The following RGS9 variants were observed in gnomAD, a reference collection of about 807,000 sequenced individuals.
RGS9 encodes regulator of G protein signaling 9, also known as regulator of G-protein signalling 9.
RGS9 carries 78 observed loss-of-function variants against 102.0 expected under a neutral mutation model. The ratio of observed to expected loss-of-function variants is 0.76; its 90% confidence interval spans 0.64 to 0.92. RGS9 has a LOEUF of 0.92. Among genes scored for constraint, RGS9 ranks in the 40% least tolerant of loss-of-function variants. The pLI, the probability that RGS9 is intolerant of heterozygous loss-of-function variation, is 0.00. For synonymous variants in RGS9, 353 were observed against 318.6 expected (o/e 1.11, Z -1.15); for missense variants, 833 against 866.1 (o/e 0.96, Z 0.48).
intron 9 of RGS9, among the ~76,000 whole-genome samples, chr17:65,187,710 G>A (rs115074205): frequency 0.016 from 2,500 of 152,304 alleles, 89 homozygotes; most frequent in African/African-American, 0.056. Flanking sequence ...AAGAGGGTCC[G>A]CGTGAGGCCG....
chr17:65,215,497 G>GTTCGTTCTTTCTTTCT (rs1555617651), intron 17 of RGS9, among the ~76,000 whole-genome samples: 113 of 133,644 alleles, frequency 8.5e-4, no homozygotes, highest in Non-Finnish European at 1.5e-3. Context: ...TCGTTCTTTC[G>GTTCGTTCTTTCTTTCT]TTCTTTCTTT....
chr17:65,144,076 G>A (rs550329331), intron 1 of RGS9, among the ~76,000 whole-genome samples: 3 of 152,184 alleles, frequency 2.0e-5, no homozygotes, highest in Non-Finnish European at 4.4e-5. Flanking sequence ...ACTGGTTAGG[G>A]CATGGTGCCT....
At chr17:65,160,756 T>TC in intron 5 of RGS9, 95 bp from the exon 6 acceptor site, 2 of 1,444,154 alleles carry the variant, frequency 1.4e-6, no homozygotes, top group Non-Finnish European at 1.9e-6. Flanking sequence ...GAGCGTTCTC[T>TC]CCCCGACTCT....
intron 17 of RGS9, among the ~76,000 whole-genome samples, chr17:65,223,895 C>A (rs918572475): frequency 1.3e-5 from 2 of 151,616 alleles, no homozygotes; most frequent in Non-Finnish European, 2.9e-5. Flanking sequence ...GGATTACAGG[C>A]ACCCACCACC....
Position 65,177,088 on chromosome 17 carries a change from TC to T in RGS9, c.583-642del, listed in dbSNP as rs1360234831. On this transcript the variant is annotated intron_variant, in intron 8 of 18. Coordinates refer to ENST00000262406, the MANE Select transcript of RGS9 (RefSeq NM_003835.4). ...ATCCATCCATCCATCCATCCATCCA[TC>T]CATCCTTCCATCCCTCCATTCATCC... Among the ~76,000 whole-genome samples, 212 of 141,096 alleles carry T rather than the reference TC, an allele frequency of 1.5e-3. 1 individual carries two copies. Among genetic ancestry groups the T allele is most frequent in the African/African-American group, 6.1e-3 (204 of 33,438 alleles). 92.6% of individuals were successfully genotyped at this position (141,096 alleles called of 152,430 possible).
chr17:65,175,720 TC>T (rs1911600646), intron 8 of RGS9, among the ~76,000 whole-genome samples: 1 of 152,216 alleles, frequency 6.6e-6, no homozygotes, highest in African/African-American at 2.4e-5. Flanking sequence ...CCACCCACTT[TC>T]TATTGCCTTT....
In RGS9 at chr17:65,137,526, C is replaced by T; in HGVS notation, c.-15C>T. 6.2e-7 allele frequency: 1 copy of T among 1,611,336 alleles called. No individual in the cohort carries two copies. The highest frequency in any genetic ancestry group is 8.5e-7 in the Non-Finnish European group (1 of 1,179,742). On this transcript the variant is annotated 5_prime_UTR_variant, in exon 1 of 19. Coordinates refer to ENST00000262406, the MANE Select transcript of RGS9 (RefSeq NM_003835.4). Reference sequence around the variant, plus strand: ...CCCACTGGTGCTCTGGCTGTGAATCCATCCAGGGGCCAGGATGACAATCCG... The same window carrying T: ...CCCACTGGTGCTCTGGCTGTGAATCTATCCAGGGGCCAGGATGACAATCCG...
intron 6 of RGS9, 23 bp from the exon 7 acceptor site, chr17:65,162,990 C>T (rs1238260079): frequency 1.5e-6 from 2 of 1,320,880 alleles, no homozygotes; most frequent in East Asian, 4.7e-5. Context: ...GCTTTCTGTT[C>T]TCATTTTGTT....
Position 65,181,438 on chromosome 17 carries a change from G to A in RGS9, c.654+3635G>A, listed in dbSNP as rs1387421739. On this transcript the variant is annotated intron_variant, in intron 9 of 18. Transcript: ENST00000262406. ...TTTCCCCAAATAGAGGCAAGTAACCGTCAACCATAAGGAGGAAAGTCATTA... is the reference window on the plus strand; with the variant it reads ...TTTCCCCAAATAGAGGCAAGTAACCATCAACCATAAGGAGGAAAGTCATTA... Among the ~76,000 whole-genome samples the A allele has an allele frequency of 5.3e-5, 8 of 152,230 alleles. No homozygotes were observed. In the South Asian group the frequency reaches 6.2e-4, roughly 12 times the overall value.
intron 1 of RGS9, among the ~76,000 whole-genome samples, chr17:65,138,975 C>CTGG: frequency 1.3e-5 from 2 of 149,290 alleles, no homozygotes; most frequent in Non-Finnish European, 3.0e-5. Flanking sequence ...CTCCTCCACC[C>CTGG]CAGCATCCCC....
intron 1 of RGS9, among the ~76,000 whole-genome samples, chr17:65,143,061 C>G (rs933888019): frequency 3.3e-5 from 5 of 152,180 alleles, no homozygotes; most frequent in African/African-American, 1.2e-4. Context: ...CAGGCTTAAC[C>G]ATTGCTCTTT....
At chr17:65,222,240 G>A (rs1243066176) in intron 17 of RGS9, among the ~76,000 whole-genome samples, 4 of 152,282 alleles carry the variant, frequency 2.6e-5, no homozygotes, top group African/African-American at 9.6e-5. Flanking sequence ...CTTCTCCCCA[G>A]TTGAATCCTT....
At chr17:65,186,145 T>G (rs1221900086) in intron 9 of RGS9, among the ~76,000 whole-genome samples, 1 of 152,002 alleles carries the variant, frequency 6.6e-6, no homozygotes, top group Non-Finnish European at 1.5e-5. Flanking sequence ...ACGGCTCTAG[T>G]TCACTTTTGG....
In RGS9 at chr17:65,163,090, G is replaced by A; in HGVS notation, c.500+1G>A. On this transcript the variant is annotated splice_donor_variant, in intron 7 of 18. Coordinates refer to ENST00000262406, the MANE Select transcript of RGS9 (RefSeq NM_003835.4). LOFTEE classifies it high-confidence loss of function. ...TTATGCAGGCCAAAGAGCAGTACAG[G>A]TGAGTGAAAGGAGACCATGCTTGTC... The A allele has an allele frequency of 6.4e-7, 1 of 1,563,578 alleles. No individual in the cohort carries two copies. The highest frequency in any genetic ancestry group is 8.8e-7 in the Non-Finnish European group (1 of 1,135,088).
At chr17:65,221,642 G>A (rs1913709203) in intron 17 of RGS9, among the ~76,000 whole-genome samples, 1 of 152,212 alleles carries the variant, frequency 6.6e-6, no homozygotes, top group Non-Finnish European at 1.5e-5. Context: ...TGTTCAAGGG[G>A]CTGTAAGGGA....
intron 1 of RGS9, among the ~76,000 whole-genome samples, chr17:65,143,608 C>G (rs1454911596): frequency 6.6e-6 from 1 of 151,800 alleles, no homozygotes; most frequent in East Asian, 1.9e-4. Context: ...ATGGTGAAAC[C>G]CTGTCTCTAC....
chr17:65,149,278 G>A (rs2585862), intron 1 of RGS9, among the ~76,000 whole-genome samples: 53,790 of 151,990 alleles, frequency 0.35, 13,465 homozygotes, highest in African/African-American at 0.72. Flanking sequence ...CGGGCCTGAT[G>A]CTATTGCAAG....
chr17:65,137,602 C>A lies in RGS9; in HGVS notation c.57+5C>A. ...AGGATGGCATTTCTCCAAAAGGTAA[C>A]CCTGGCCCCTCACCTGGACCCTGGG... On this transcript the variant is annotated splice_donor_5th_base_variant and intron_variant, in intron 1 of 18. Coordinates refer to ENST00000262406, the MANE Select transcript of RGS9 (RefSeq NM_003835.4). 6.2e-7 allele frequency: 1 copy of A among 1,613,616 alleles called. No individual in the cohort carries two copies. Among genetic ancestry groups the A allele is most frequent in the Non-Finnish European group, 8.5e-7 (1 of 1,179,928 alleles).
At chr17:65,174,754 C>G (rs937550064) in intron 8 of RGS9, among the ~76,000 whole-genome samples, 1 of 151,854 alleles carries the variant, frequency 6.6e-6, no homozygotes, top group Non-Finnish European at 1.5e-5. Context: ...ATACGCAAGA[C>G]TGGGTAATTT....
Sources: allele counts gnomAD v4.1 joint callset (sites outside exome capture counted in the v4.1 genomes callset), GRCh38; gene constraint gnomAD v4.1.1; transcripts MANE v1.5; gene names NCBI Gene and HGNC (gene_info 2026-07-23, HGNC 2026-07-21).